The following CSMD1 variants were observed in gnomAD, a reference collection of about 807,000 sequenced individuals.
CSMD1 encodes CUB and sushi domain-containing protein 1.
A neutral mutation model predicts 417.5 loss-of-function variants in CSMD1; 213 were observed. The ratio of observed to expected loss-of-function variants is 0.51; its 90% confidence interval spans 0.46 to 0.57. CSMD1 has a LOEUF of 0.57. CSMD1 is among the 20% of genes least tolerant of loss of function. The pLI, the probability that CSMD1 is intolerant of heterozygous loss-of-function variation, is 0.00. For synonymous variants in CSMD1, 2,862 were observed against 1,736.8 expected (o/e 1.65, Z -16.11); for missense variants, 6,923 against 4,529.7 (o/e 1.53, Z -15.17).
chr8:3,631,713 T>C (rs917107833), intron 7 of CSMD1, among the ~76,000 whole-genome samples: 1 of 152,204 alleles, frequency 6.6e-6, no homozygotes, highest in Non-Finnish European at 1.5e-5. Flanking sequence ...AATTTTACTG[T>C]TCGAGAAAAA....
chr8:3,691,282 A>T (rs1585082430), intron 7 of CSMD1, among the ~76,000 whole-genome samples: 1 of 152,120 alleles, frequency 6.6e-6, no homozygotes, highest in African/African-American at 2.4e-5. Flanking sequence ...GCAGGAGATC[A>T]CTTGACCCTG....
intron 26 of CSMD1, among the ~76,000 whole-genome samples, chr8:3,233,814 G>C (rs1351548276): frequency 6.6e-6 from 1 of 152,136 alleles, no homozygotes; most frequent in African/African-American, 2.4e-5. Context: ...ATCCAGAGGA[G>C]AGTCACATTA....
chr8:4,189,094 A>T (rs1006215546), intron 3 of CSMD1, among the ~76,000 whole-genome samples: 1 of 152,206 alleles, frequency 6.6e-6, no homozygotes, highest in Non-Finnish European at 1.5e-5. Context: ...AAAATACATG[A>T]CATTCACGTT....
chr8:3,172,966 C>T (rs952590611), intron 37 of CSMD1, among the ~76,000 whole-genome samples: 1 of 152,182 alleles, frequency 6.6e-6, no homozygotes, highest in African/African-American at 2.4e-5. Context: ...ACTGAAATAA[C>T]TGAGGTAATC....
chr8:3,089,109 G>T (rs1281437043), intron 48 of CSMD1, among the ~76,000 whole-genome samples: 1 of 152,310 alleles, frequency 6.6e-6, no homozygotes, highest in African/African-American at 2.4e-5. Flanking sequence ...TACAAAGAGA[G>T]ACTGGAGCAG....
chr8:3,965,531 C>T (rs1002553146), intron 5 of CSMD1, among the ~76,000 whole-genome samples: 2 of 152,106 alleles, frequency 1.3e-5, no homozygotes, highest in East Asian at 3.8e-4. Flanking sequence ...AACAATAGAG[C>T]CTGAACAACT....
chr8:4,710,799 C>T (rs983744595), intron 1 of CSMD1, among the ~76,000 whole-genome samples: 35 of 151,626 alleles, frequency 2.3e-4, no homozygotes, highest in African/African-American at 7.2e-4. Flanking sequence ...GAGCCAAGAT[C>T]GCACCACTGC....
chr8:3,857,483 T>C (rs940117837), intron 5 of CSMD1, among the ~76,000 whole-genome samples: 2 of 152,290 alleles, frequency 1.3e-5, no homozygotes, highest in Admixed American at 6.5e-5. Context: ...CCCACCTATA[T>C]ATATGAGGAT....
At chr8:2,999,766 C>T (rs762248746) in intron 53 of CSMD1, among the ~76,000 whole-genome samples, 192 bp downstream of exon 53, 4 of 140,844 alleles carry the variant, frequency 2.8e-5, no homozygotes, top group Non-Finnish European at 4.5e-5. Context: ...GGAAACAAAA[C>T]GGGAAGGAGA....
At chr8:3,789,932 C>T (rs1464929409) in intron 5 of CSMD1, among the ~76,000 whole-genome samples, 2 of 152,008 alleles carry the variant, frequency 1.3e-5, no homozygotes, top group African/African-American at 4.8e-5. Context: ...GGGGTTTCAC[C>T]ATGTTAGCCA....
At chr8:3,912,937 CA>C (rs1808559156) in intron 5 of CSMD1, among the ~76,000 whole-genome samples, 1 of 152,114 alleles carries the variant, frequency 6.6e-6, no homozygotes, top group African/African-American at 2.4e-5. Flanking sequence ...TAAGAGAACA[CA>C]GGGTGTGAAC....
rs554705640 is a variant in CSMD1 at position 4,419,892 on chromosome 8, G to A, written c.415+61C>T. Reference sequence around the variant, plus strand: ...CCTAGTTTGTCATTATTAATCCAGTGTAGCATGTATTAGATCATTTGGACA... The same window carrying A: ...CCTAGTTTGTCATTATTAATCCAGTATAGCATGTATTAGATCATTTGGACA... On this transcript the variant is annotated intron_variant, in intron 3 of 69. Coordinates refer to ENST00000635120, the MANE Select transcript of CSMD1 (RefSeq NM_033225.6). The A allele has an allele frequency of 5.7e-5, 63 of 1,112,438 alleles. No homozygotes were observed. In the Admixed American group the frequency reaches 7.0e-4, roughly 12 times the overall value. 68.9% of individuals were successfully genotyped at this position (1,112,438 alleles called of 1,614,324 possible).
At chr8:4,107,142 A>T (rs753029839) in intron 3 of CSMD1, among the ~76,000 whole-genome samples, 60 of 152,214 alleles carry the variant, frequency 3.9e-4, no homozygotes, top group Non-Finnish European at 1.3e-4. Context: ...TACTGGTTCT[A>T]CTACACACAA....
At chr8:4,802,645 T>C (rs1798365624) in intron 1 of CSMD1, among the ~76,000 whole-genome samples, 1 of 152,222 alleles carries the variant, frequency 6.6e-6, no homozygotes, top group African/African-American at 2.4e-5. Context: ...GGCATGGATT[T>C]CCATGCTTCT....
At chr8:3,911,484 C>A (rs538243441) in intron 5 of CSMD1, among the ~76,000 whole-genome samples, 3 of 149,860 alleles carry the variant, frequency 2.0e-5, no homozygotes, top group Admixed American at 2.0e-4. Context: ...GCCAAGATTG[C>A]GCCACTGCAC....
intron 2 of CSMD1, among the ~76,000 whole-genome samples, chr8:4,517,745 C>G (rs190828146): frequency 3.3e-5 from 5 of 152,254 alleles, no homozygotes; most frequent in Admixed American, 2.6e-4. Context: ...AAGTTCATCT[C>G]AATGCTTCAA....
Position 2,961,176 on chromosome 8 carries a change from G to A in CSMD1, c.9667C>T (p.His3223Tyr). ...HNTCPDPGTP[H>Y]FGIQNSSRGY... ...CTGGAGCTATTCTGTATTCCAAAGTGTGGCGTACCAGGGTCTGGGCAGGTG... is the reference window on the plus strand; with the variant it reads ...CTGGAGCTATTCTGTATTCCAAAGTATGGCGTACCAGGGTCTGGGCAGGTG... Residue 3223 changes from histidine to tyrosine, a missense_variant, in exon 62 of 70, where the codon CAC (histidine) becomes TAC (tyrosine). Coordinates refer to ENST00000635120, the MANE Select transcript of CSMD1 (RefSeq NM_033225.6). The A allele has an allele frequency of 6.2e-7, 1 of 1,603,264 alleles. No individual in the cohort carries two copies. Among genetic ancestry groups the A allele is most frequent in the Non-Finnish European group, 8.5e-7 (1 of 1,172,990 alleles).
chr8:3,164,043 G>C (rs1210967502), intron 37 of CSMD1, among the ~76,000 whole-genome samples: 1 of 152,182 alleles, frequency 6.6e-6, no homozygotes, highest in East Asian at 1.9e-4. Flanking sequence ...GATCTGCTGA[G>C]TCGGAGGCAA....
intron 4 of CSMD1, among the ~76,000 whole-genome samples, chr8:4,003,825 T>A (rs908635705): frequency 2.1e-5 from 3 of 142,510 alleles, no homozygotes; most frequent in Non-Finnish European, 4.6e-5. Flanking sequence ...TCTGATATTC[T>A]ACCAAGGTCA....
Sources: gnomAD v4.1 joint callset for allele counts (sites outside exome capture counted in the v4.1 genomes callset) on GRCh38, gnomAD v4.1.1 for gene constraint, MANE v1.5 for transcripts, NCBI Gene and HGNC (gene_info 2026-07-23, HGNC 2026-07-21) for gene names.